The following DCAKD variants were observed in gnomAD, a reference collection of about 807,000 sequenced individuals.
DCAKD encodes dephospho-CoA kinase domain containing, also known as dephospho-CoA kinase domain-containing protein.
In DCAKD, 15 loss-of-function variants were observed where a neutral mutation model predicts 18.7. That is an observed-to-expected ratio of 0.80 (90% confidence interval 0.54 to 1.24). The LOEUF (loss-of-function observed/expected upper bound fraction) is 1.24, where lower values mean the gene tolerates loss of function less well. DCAKD is among the 50% of genes most tolerant of loss of function. The pLI is 0.00. For synonymous variants in DCAKD, 130 were observed against 133.0 expected, an observed-to-expected ratio of 0.98 and a Z score of 0.16; for missense variants, 301 against 322.0, an observed-to-expected ratio of 0.93 and a Z score of 0.50.
chr17:45,036,490 T>C (rs2053301832), intron 1 of DCAKD, among the ~76,000 whole-genome samples: 1 of 151,616 alleles, frequency 6.6e-6, no homozygotes, highest in South Asian at 2.1e-4. Context: ...CACCCCAGCC[T>C]GGGTGACAGA....
intron 1 of DCAKD, among the ~76,000 whole-genome samples, chr17:45,041,931 CA>C (rs1201161750): frequency 6.6e-6 from 1 of 150,666 alleles, no homozygotes; most frequent in Admixed American, 6.6e-5. Flanking sequence ...CCAGCCTGGG[CA>C]ACAAAGCGAG....
rs570908439 is a variant in DCAKD, at chr17:45,031,370, C to T, written c.317-1191G>A. The stretch of plus-strand genomic sequence containing the variant: ...ATGACACACCTTGGTTGGTAGCCCC[C>T]CCACCTTCCCCACCATGTGACCTTG... On this transcript the variant is annotated intron_variant, in intron 3 of 4. Coordinates refer to ENST00000651974, the MANE Select transcript of DCAKD (RefSeq NM_001288655.2). 121 of 983,492 alleles carry T rather than the reference C, an allele frequency of 1.2e-4. No homozygotes were observed. In the African/African-American group the frequency reaches 1.2e-3, roughly 10 times the overall value. The allele number at this position is 983,492 out of a possible 1,614,324, so 60.9% of individuals were successfully genotyped here.
At chr17:45,051,320 T>G (rs2053689683) in intron 1 of DCAKD, 41 bp downstream of exon 1, 1 of 152,170 alleles carries the variant, frequency 6.6e-6, no homozygotes, top group South Asian at 2.1e-4. Context: ...CTTGGTAGGG[T>G]TGCTGTCAAG....
At chr17:45,061,076 T>G in exon 1 of DCAKD, 1 of 1,281,882 alleles carries the variant, frequency 7.8e-7, no homozygotes, top group Non-Finnish European at 9.9e-7. Context: ...CCCACCAACC[T>G]TGCGCCCCTT....
rs573479358 is a variant in DCAKD at position 45,057,694 on chromosome 17, C to T, written c.-118+3194G>A. ...CTCCAGCCTGGGCAACAGAGTGCGA[C>T]TCCATCTCAAAAAAAAAAAAAAAAC... On this transcript the variant is annotated intron_variant, in intron 1 of 4. Coordinates refer to the DCAKD transcript ENST00000310604. 2.2e-4 allele frequency among the ~76,000 whole-genome samples: 32 copies of T among 144,566 alleles called. 1 individual carries two copies. In the South Asian group the frequency reaches 6.6e-3, roughly 30 times the overall value. 94.8% of individuals were successfully genotyped at this position (144,566 alleles called of 152,430 possible). A position where few individuals can be genotyped will look rare whatever the true frequency, so the allele number is the denominator to read the frequency against.
intron 4 of DCAKD, among the ~76,000 whole-genome samples, chr17:45,027,858 C>T (rs1279125144): frequency 4.0e-5 from 6 of 150,954 alleles, no homozygotes; most frequent in Non-Finnish European, 5.9e-5. Flanking sequence ...TGGTGGCGTG[C>T]GCCTGTAATC....
At chr17:45,036,031 G>A (rs2053288782) in intron 1 of DCAKD, among the ~76,000 whole-genome samples, 1 of 152,234 alleles carries the variant, frequency 6.6e-6, no homozygotes, top group Non-Finnish European at 1.5e-5. Flanking sequence ...GCTGGGCGAT[G>A]CTGGTGGTGT....
rs558472473 is a variant in DCAKD at position 45,026,516 on chromosome 17, C to T, written c.405-1792G>A. The T allele has an allele frequency of 4.4e-5, 35 of 790,626 alleles. No individual in the cohort carries two copies. In the East Asian group the frequency reaches 1.5e-3, roughly 34 times the overall value. The allele number at this position is 790,626 out of a possible 1,614,324, so 49.0% of individuals were successfully genotyped here. A position where few individuals can be genotyped will look rare whatever the true frequency, so the allele number is the denominator to read the frequency against. On this transcript the variant is annotated intron_variant, in intron 4 of 4. Coordinates refer to ENST00000651974, the MANE Select transcript of DCAKD (RefSeq NM_001288655.2). ...GCTGGATTACAGGTGTGAGCCACCG[C>T]GCCTGGCTTTTTTATTTTTAAATAA...
At chr17:45,041,746 T>C (rs930638107) in intron 1 of DCAKD, among the ~76,000 whole-genome samples, 4 of 149,934 alleles carry the variant, frequency 2.7e-5, no homozygotes, top group African/African-American at 9.9e-5. Context: ...GAAGGGGTGG[T>C]GGGGGGAGCA....
At chr17:45,060,370 T>C (rs2053836343) in intron 1 of DCAKD, among the ~76,000 whole-genome samples, 1 of 151,654 alleles carries the variant, frequency 6.6e-6, no homozygotes, top group African/African-American at 2.4e-5. Context: ...ACAAAAAATA[T>C]ATAAATTATC....
rs946064171 is a variant in DCAKD at position 45,023,503 on chromosome 17, G to A, written c.*930C>T. The A allele has an allele frequency of 6.8e-6, 1 of 147,902 alleles. No individual in the cohort carries two copies. The highest frequency in any genetic ancestry group is 1.5e-5 in the Non-Finnish European group (1 of 67,286). The allele number at this position is 147,902 out of a possible 1,614,324, so 9.2% of individuals were successfully genotyped here. A position where few individuals can be genotyped will look rare whatever the true frequency, so the allele number is the denominator to read the frequency against. On this transcript the variant is annotated 3_prime_UTR_variant, in exon 5 of 5. Coordinates refer to ENST00000651974, the MANE Select transcript of DCAKD (RefSeq NM_001288655.2). Reference sequence around the variant, plus strand: ...GCAAGTTTCGGCTAATTACTGTACTGTTGGATTAAGGTAAAATGTTGAGGG... The same window carrying A: ...GCAAGTTTCGGCTAATTACTGTACTATTGGATTAAGGTAAAATGTTGAGGG...
intron 1 of DCAKD, among the ~76,000 whole-genome samples, chr17:45,047,238 TA>T (rs2053590339): frequency 6.6e-6 from 1 of 151,310 alleles, no homozygotes; most frequent in Non-Finnish European, 1.5e-5. Flanking sequence ...CTCTAGTAAA[TA>T]TACAAATAAA....
intron 1 of DCAKD, among the ~76,000 whole-genome samples, chr17:45,045,102 A>C (rs961101308): frequency 6.7e-6 from 1 of 149,744 alleles, no homozygotes; most frequent in Non-Finnish European, 1.5e-5. Flanking sequence ...AGGTATCTAG[A>C]TATCTATAGG....
At chr17:45,050,810 G>A (rs1047493246) in intron 1 of DCAKD, among the ~76,000 whole-genome samples, 1 of 151,606 alleles carries the variant, frequency 6.6e-6, no homozygotes, top group Admixed American at 6.6e-5. Flanking sequence ...AACTAAGGGA[G>A]AGTGAAAAAT....
chr17:45,024,081 CCA>C lies in DCAKD; in HGVS notation c.*350_*351del. The C allele has an allele frequency of 4.4e-6, 1 of 228,138 alleles. No individual in the cohort carries two copies. The allele number at this position is 228,138 out of a possible 1,614,324, so 14.1% of individuals were successfully genotyped here. ...CTTGGCCTCCCAGCTCTGAGGAGGG[CCA>C]CAGAGCCAGTATTCCCTACCCCCAC... On this transcript the variant is annotated 3_prime_UTR_variant, in exon 5 of 5. Transcript: ENST00000651974.
intron 1 of DCAKD, among the ~76,000 whole-genome samples, chr17:45,041,365 GCA>G (rs1184592547): frequency 6.7e-6 from 1 of 150,340 alleles, no homozygotes; most frequent in Admixed American, 6.7e-5. Context: ...AGGCTGGAGT[GCA>G]GTGGTGCGAT....
At chr17:45,048,754 CAA>C (rs1319595032) in intron 1 of DCAKD, among the ~76,000 whole-genome samples, 1 of 151,606 alleles carries the variant, frequency 6.6e-6, no homozygotes, top group Non-Finnish European at 1.5e-5. Flanking sequence ...TGCAGTGAGC[CAA>C]GACTGCGCCA....
chr17:45,058,235 A>C (rs182616847), intron 1 of DCAKD, among the ~76,000 whole-genome samples: 47 of 152,214 alleles, frequency 3.1e-4, no homozygotes, highest in Non-Finnish European at 6.2e-4. Flanking sequence ...GGATCACTTG[A>C]ATCCAGGAGG....
At chr17:45,032,742 C>T (rs1395108211) in intron 3 of DCAKD, among the ~76,000 whole-genome samples, 1 of 135,380 alleles carries the variant, frequency 7.4e-6, no homozygotes, top group Non-Finnish European at 1.6e-5. Context: ...GAGATCGCTC[C>T]ACTGCACTCC....
Sources: gnomAD v4.1 joint callset for allele counts (sites outside exome capture counted in the v4.1 genomes callset) on GRCh38, gnomAD v4.1.1 for gene constraint, MANE v1.5 for transcripts, NCBI Gene and HGNC (gene_info 2026-07-23, HGNC 2026-07-21) for gene names.